Variants in TPCN1 observed in about 807,000 individuals in gnomAD.
The protein encoded by TPCN1 is two pore channel protein 1.
In TPCN1, 52 loss-of-function variants were observed where a neutral mutation model predicts 108.8. That is an observed-to-expected ratio of 0.48 (90% CI 0.38 to 0.60). The LOEUF is 0.60. TPCN1 is among the 20% of genes least tolerant of loss of function. The pLI is 0.00. For synonymous variants in TPCN1, 446 were observed against 433.7 expected, an observed-to-expected ratio of 1.03 and a Z score of -0.35; for missense variants, 806 against 1,072.8, an observed-to-expected ratio of 0.75 and a Z score of 3.47.
At chr12:113,293,236 C>A in intron 26 of TPCN1, 33 bp from the exon 27 acceptor site, 1 of 1,611,348 alleles carries the variant, frequency 6.2e-7, no homozygotes, top group South Asian at 1.1e-5. Context: ...TGAATATCTG[C>A]AGCCGAGCCC....
rs1956281415 is a variant in TPCN1, at chr12:113,291,858, C to T, written c.2029-16C>T. 1.2e-6 allele frequency: 2 copies of T among 1,600,892 alleles called. No individual in the cohort carries two copies. The highest frequency in any genetic ancestry group is 2.2e-5 in the South Asian group (2 of 90,854). Reference sequence around the variant, plus strand: ...TCCTCCCCTGCCTCTGCCCCTCCCTCCCTATCCCTGGCCAGGTGGTGATGA... The same window carrying T: ...TCCTCCCCTGCCTCTGCCCCTCCCTTCCTATCCCTGGCCAGGTGGTGATGA... On this transcript the variant is annotated splice_polypyrimidine_tract_variant and intron_variant, in intron 24 of 27. Transcript: ENST00000335509.
chr12:113,295,650 C>CT (rs1249180600), intron 27 of TPCN1, among the ~76,000 whole-genome samples: 3 of 152,162 alleles, frequency 2.0e-5, no homozygotes, highest in Non-Finnish European at 1.5e-5. Flanking sequence ...TCGGGGGGCC[C>CT]TTTAGTGAAG....
At chr12:113,283,084 AG>A (rs1257284151) in intron 15 of TPCN1, among the ~76,000 whole-genome samples, 1 of 151,864 alleles carries the variant, frequency 6.6e-6, no homozygotes, top group Non-Finnish European at 1.5e-5. Context: ...CTCAAGAAAA[AG>A]CAAAAAAAAA....
rs965427282 is a variant in TPCN1 at position 113,284,144 on chromosome 12, G to T, written c.1343-437G>T. ...TATATTTTTGCTAGTGTGTCATTGG[G>T]ATGGTTTCTGGAAAGTGGGATTGCT... On this transcript the variant is annotated intron_variant, in intron 15 of 27. Transcript: ENST00000335509. This position sits in a 1 kb window ranked among gnomAD's most constrained non-coding sequence, Gnocchi z 4.1. 1.3e-5 allele frequency among the ~76,000 whole-genome samples: 2 copies of T among 152,208 alleles called. No homozygotes were observed. Among genetic ancestry groups the T allele is most frequent in the African/African-American group, 4.8e-5 (2 of 41,452 alleles).
At chr12:113,260,600 C>T (rs1566167141) in intron 3 of TPCN1, 108 bp downstream of exon 3, 30 of 1,346,954 alleles carry the variant, frequency 2.2e-5, no homozygotes, top group Non-Finnish European at 2.6e-5. Flanking sequence ...TCAGTTCATG[C>T]TGCTGCTGCT....
chr12:113,222,100 C>G (rs1593053328), intron 1 of TPCN1, among the ~76,000 whole-genome samples: 1 of 152,268 alleles, frequency 6.6e-6, no homozygotes, highest in Non-Finnish European at 1.5e-5. Context: ...GAACACTGGA[C>G]CAGGACGCAG....
intron 2 of TPCN1, among the ~76,000 whole-genome samples, chr12:113,239,268 T>TC (rs983325963): frequency 4.6e-5 from 7 of 152,074 alleles, no homozygotes; most frequent in African/African-American, 1.7e-4. Context: ...TGAATCCTGC[T>TC]CCCCCCAGCT....
chr12:113,277,316 G>T lies in TPCN1; in HGVS notation c.1136G>T (p.Arg379Leu). 1 of 1,614,128 alleles carries T rather than the reference G, an allele frequency of 6.2e-7. No individual in the cohort carries two copies. The highest frequency in any genetic ancestry group is 8.5e-7 in the Non-Finnish European group (1 of 1,180,024). Reference protein sequence around the residue: ...FYKPRMSARERYLTFKALNQN... With the variant: ...FYKPRMSARELYLTFKALNQN... ...AAGCCCCGGATGAGTGCCAGGGAGC[G>T]CTATCTTACCTTCAAGGCCCTGAAT... Residue 379 changes from arginine to leucine, a missense_variant, in exon 12 of 28, where the codon CGC becomes CTC. Coordinates refer to ENST00000335509, the MANE Select transcript of TPCN1 (RefSeq NM_017901.6).
chr12:113,256,320 C>T (rs904448912), intron 2 of TPCN1, among the ~76,000 whole-genome samples: 1 of 150,386 alleles, frequency 6.6e-6, no homozygotes, highest in African/African-American at 2.5e-5. Context: ...TAGGGTCTCA[C>T]TATATTCCCC....
In TPCN1 at chr12:113,296,937, G is replaced by T. The variant is rs1956446901; in HGVS notation, c.*861G>T. On this transcript the variant is annotated 3_prime_UTR_variant, in exon 28 of 28. Transcript: ENST00000335509. ...CCCGTTCAAGCAAAACAACGTTTTG[G>T]TTAACTAAGGATTGTGCTAAAGCCG... is the stretch of plus-strand genomic sequence containing the variant. 6.6e-6 allele frequency: 1 copy of T among 152,260 alleles called. No homozygotes were observed. The highest frequency in any genetic ancestry group is 2.4e-5 in the African/African-American group (1 of 41,458). The allele number at this position is 152,260 out of a possible 1,614,324, so 9.4% of individuals were successfully genotyped here.
At position 113,268,777 on chromosome 12, in the gene TPCN1, C is replaced by G. The variant is rs773859284; in HGVS notation, c.564C>G (p.Ile188Met). The G allele has an allele frequency of 6.2e-7, 1 of 1,613,980 alleles. No homozygotes were observed. ...TGGTGGTGCAGTTTGTCGAGGCCAT[C>G]GTGGTGTTGGTACGGCAGATGTCCC... Reference protein sequence around the residue: ...SVLVVQFVEAIVVLVRQMSHV... With the variant: ...SVLVVQFVEAMVVLVRQMSHV... The change falls in exon 6 of 28, where the codon ATC becomes ATG. Residue 188 changes from isoleucine (I) to methionine (M), a missense_variant. By Grantham distance (10) the Ile-to-Met change is conservative. Coordinates refer to ENST00000335509, the MANE Select transcript of TPCN1 (RefSeq NM_017901.6). This position sits in a 1 kb window ranked among gnomAD's most constrained non-coding sequence, Gnocchi z 7.3.
At position 113,284,541 on chromosome 12, in the gene TPCN1, C is replaced by A; in HGVS notation, c.1343-40C>A. ...TGCGACCTGCAGATTTCTAAGCCCC[C>A]CTGTTATTTCTCTGTCTTTTACGGG... On this transcript the variant is annotated intron_variant, in intron 15 of 27. Transcript: ENST00000335509. The surrounding 1 kb of genome is among the most constrained non-coding windows in gnomAD (Gnocchi z 4.1). 2 of 1,611,766 alleles carry A rather than the reference C, an allele frequency of 1.2e-6. No homozygotes were observed. The highest frequency in any genetic ancestry group is 2.2e-5 in the South Asian group (2 of 90,994).
chr12:113,235,545 T>G (rs1953857954), intron 2 of TPCN1, among the ~76,000 whole-genome samples: 1 of 151,676 alleles, frequency 6.6e-6, no homozygotes. Flanking sequence ...TAATAGCTGG[T>G]CTTCTTTTTT....
Position 113,272,029 on chromosome 12 carries a change from G to A in TPCN1, c.749-629G>A, listed in dbSNP as rs576692425. Among the ~76,000 whole-genome samples the A allele has an allele frequency of 2.0e-5, 3 of 152,286 alleles. No individual in the cohort carries two copies. The highest frequency in any genetic ancestry group is 1.9e-4 in the East Asian group (1 of 5,180). ...CCAGGGCCAACCCCTCCCGGCCCTC[G>A]TGACTGCCTTGTCCTGAGTCATGGC... On this transcript the variant is annotated intron_variant, in intron 7 of 27. Coordinates refer to ENST00000335509, the MANE Select transcript of TPCN1 (RefSeq NM_017901.6). The surrounding 1 kb of genome is among the most constrained non-coding windows in gnomAD (Gnocchi z 4.1).
chr12:113,290,845 C>A, intron 22 of TPCN1, 107 bp from the exon 23 acceptor site: 1 of 1,051,524 alleles, frequency 9.5e-7, no homozygotes, highest in Non-Finnish European at 1.5e-6. Context: ...ATATGGTGAC[C>A]CTCTCATCTT....
intron 3 of TPCN1, among the ~76,000 whole-genome samples, chr12:113,263,982 T>A (rs963958141): frequency 6.6e-6 from 1 of 152,214 alleles, no homozygotes; most frequent in African/African-American, 2.4e-5. Flanking sequence ...CTCCAAGTCC[T>A]AGAGTTAAAA....
chr12:113,265,976 C>A (rs972775213), intron 3 of TPCN1, among the ~76,000 whole-genome samples: 68 of 152,170 alleles, frequency 4.5e-4, no homozygotes, highest in Non-Finnish European at 5.9e-5. Flanking sequence ...AGCAGCAAAT[C>A]TCTTGAGCCC....
Position 113,273,533 on chromosome 12 carries a change from A to C in TPCN1, c.843-36A>C. 2 of 1,529,894 alleles carry C rather than the reference A, an allele frequency of 1.3e-6. No homozygotes were observed. The highest frequency in any genetic ancestry group is 1.8e-6 in the Non-Finnish European group (2 of 1,103,610). The allele number at this position is 1,529,894 out of a possible 1,614,324, so 94.8% of individuals were successfully genotyped here. ...GTGCTCTGAGAGGATGGAGACAGGC[A>C]GATACAGCACGCCGGGTCACCCTCT... On this transcript the variant is annotated intron_variant, in intron 9 of 27. Coordinates refer to ENST00000335509, the MANE Select transcript of TPCN1 (RefSeq NM_017901.6). The surrounding 1 kb of genome is among the most constrained non-coding windows in gnomAD (Gnocchi z 4.0).
intron 2 of TPCN1, among the ~76,000 whole-genome samples, chr12:113,252,386 C>T (rs1220115417): frequency 6.6e-6 from 1 of 152,072 alleles, no homozygotes; most frequent in Non-Finnish European, 1.5e-5. Flanking sequence ...ACGTTGTCTC[C>T]CCACCAGGAA....
Sources: gnomAD v4.1 joint callset for allele counts (sites outside exome capture counted in the v4.1 genomes callset) on GRCh38, gnomAD v4.1.1 for gene constraint, Gnocchi (gnomAD v3.1) non-coding constraint, MANE v1.5 for transcripts, NCBI Gene and HGNC (gene_info 2026-07-23, HGNC 2026-07-21) for gene names.